Variants in DAB1 observed in about 807,000 individuals in gnomAD.
DAB1 encodes the protein disabled homolog 1.
In DAB1, 15 loss-of-function variants were observed where a neutral mutation model predicts 64.6. That is an observed-to-expected ratio of 0.23 (90% CI 0.16 to 0.36). The LOEUF is 0.36. DAB1 is among the 10% of genes least tolerant of loss of function. The probability of loss-of-function intolerance (pLI) is 1.00; values close to 1 mark genes in which losing one functional copy is unlikely to be tolerated. For missense variants in DAB1, 596 were observed against 706.7 expected (o/e 0.84, Z 1.78); for synonymous variants, 235 against 251.9 (o/e 0.93, Z 0.64).
chr1:57,094,959 C>T (rs1019236271), intron 4 of DAB1, among the ~76,000 whole-genome samples: 3 of 152,248 alleles, frequency 2.0e-5, no homozygotes, highest in East Asian at 1.9e-4. Context: ...ATTACTTGTA[C>T]TCTGCAACCT....
At chr1:57,305,621 G>T (rs933140298) in intron 1 of DAB1, among the ~76,000 whole-genome samples, 1 of 152,156 alleles carries the variant, frequency 6.6e-6, no homozygotes, top group African/African-American at 2.4e-5. Flanking sequence ...CCAAGGAACT[G>T]CATGCTTCTA....
chr1:57,835,823 GA>G (rs1652785326), intron 1 of DAB1, among the ~76,000 whole-genome samples: 1 of 152,178 alleles, frequency 6.6e-6, no homozygotes, highest in Non-Finnish European at 1.5e-5. Flanking sequence ...GTTTCCGAAA[GA>G]CACCTGAATG....
chr1:57,554,936 G>C (rs1325605103), intron 7 of DAB1, among the ~76,000 whole-genome samples: 1 of 151,492 alleles, frequency 6.6e-6, no homozygotes, highest in Non-Finnish European at 1.5e-5. Context: ...TCATTCAGTA[G>C]AGTCACAACA....
intron 3 of DAB1, among the ~76,000 whole-genome samples, chr1:58,462,255 C>T (rs576678684): frequency 0.028 from 4,271 of 151,814 alleles, 85 homozygotes; most frequent in Non-Finnish European, 0.044. Flanking sequence ...GCCTCCCGAG[C>T]AGCTGGGACT....
chr1:57,350,397 CA>C (rs1458266377), intron 1 of DAB1, among the ~76,000 whole-genome samples: 1 of 152,068 alleles, frequency 6.6e-6, no homozygotes, highest in African/African-American at 2.4e-5. Context: ...AAGAATTGAC[CA>C]CCCTAGTAGG....
At chr1:57,168,822 A>T (rs1048766038) in intron 2 of DAB1, among the ~76,000 whole-genome samples, 1 of 152,296 alleles carries the variant, frequency 6.6e-6, no homozygotes, top group Admixed American at 6.5e-5. Context: ...TTGGGAAGCC[A>T]AGGCAAGAGG....
intron 9 of DAB1, among the ~76,000 whole-genome samples, chr1:57,036,851 A>G (rs961414357): frequency 3.9e-5 from 6 of 152,234 alleles, no homozygotes; most frequent in African/African-American, 1.4e-4. Flanking sequence ...ATCTCTTTTC[A>G]AAACAGTGGG....
intron 6 of DAB1, among the ~76,000 whole-genome samples, chr1:57,654,481 G>A (rs1646292589): frequency 6.6e-6 from 1 of 152,136 alleles, no homozygotes; most frequent in South Asian, 2.1e-4. Flanking sequence ...AAGATATGTG[G>A]TGGTATATAG....
At chr1:58,065,572 G>A (rs1355934505) in intron 5 of DAB1, among the ~76,000 whole-genome samples, 1 of 152,198 alleles carries the variant, frequency 6.6e-6, no homozygotes, top group Non-Finnish European at 1.5e-5. Context: ...TGTACTTCAT[G>A]AGTCGATACA....
At chr1:57,198,512 C>A (rs760323804) in intron 2 of DAB1, among the ~76,000 whole-genome samples, 4 of 152,066 alleles carry the variant, frequency 2.6e-5, no homozygotes, top group South Asian at 4.2e-4. Flanking sequence ...AGAACACTGG[C>A]CTTCTCTCAA....
intron 1 of DAB1, among the ~76,000 whole-genome samples, chr1:57,370,397 A>C (rs1327120905): frequency 6.6e-6 from 1 of 152,212 alleles, no homozygotes; most frequent in Non-Finnish European, 1.5e-5. Flanking sequence ...TTTCAACAGC[A>C]CAGTTCTAAT....
intron 5 of DAB1, among the ~76,000 whole-genome samples, chr1:58,101,892 G>T (rs992961666): frequency 2.0e-5 from 3 of 152,132 alleles, no homozygotes; most frequent in Admixed American, 6.5e-5. Context: ...CTGAGAGTTG[G>T]TTCCTCCAGG....
intron 5 of DAB1, among the ~76,000 whole-genome samples, chr1:58,012,452 C>T (rs79558892): frequency 0.012 from 1,839 of 152,136 alleles, 42 homozygotes; most frequent in African/African-American, 0.042. Flanking sequence ...CTAACCTGCA[C>T]AACGTGCACA....
chr1:57,965,938 C>T (rs868042725), intron 5 of DAB1, among the ~76,000 whole-genome samples: 2 of 150,904 alleles, frequency 1.3e-5, no homozygotes, highest in Non-Finnish European at 3.0e-5. Flanking sequence ...CTTTAAATGG[C>T]GGGGGGGGAG....
chr1:57,562,629 C>T (rs919156927), intron 7 of DAB1, among the ~76,000 whole-genome samples: 7 of 152,230 alleles, frequency 4.6e-5, no homozygotes, highest in African/African-American at 1.2e-4. Context: ...AGGATTCATG[C>T]GTCCAGGAAT....
chr1:58,463,498 G>A (rs1645264017), intron 3 of DAB1, among the ~76,000 whole-genome samples: 1 of 152,214 alleles, frequency 6.6e-6, no homozygotes, highest in African/African-American at 2.4e-5. Context: ...GCATGGCAGT[G>A]TGTAAATCTT....
At chr1:57,326,386 A>G (rs557106227) in intron 1 of DAB1, among the ~76,000 whole-genome samples, 2 of 152,316 alleles carry the variant, frequency 1.3e-5, no homozygotes, top group East Asian at 3.9e-4. Flanking sequence ...CATTTGCAGA[A>G]AACTAGTCTA....
chr1:57,664,937 A>G (rs972194224), intron 6 of DAB1, among the ~76,000 whole-genome samples: 1 of 152,112 alleles, frequency 6.6e-6, no homozygotes, highest in African/African-American at 2.4e-5. Flanking sequence ...ACTGAATACT[A>G]AGAATGGGAC....
chr1:58,478,303 CTG>C (rs1645439843), intron 3 of DAB1, among the ~76,000 whole-genome samples: 1 of 152,206 alleles, frequency 6.6e-6, no homozygotes, highest in South Asian at 2.1e-4. Context: ...CCATGTAGAA[CTG>C]TGAGTCAATT....
Sources: gnomAD v4.1 joint callset for allele counts (sites outside exome capture counted in the v4.1 genomes callset) on GRCh38, gnomAD v4.1.1 for gene constraint, MANE v1.5 for transcripts, NCBI Gene and HGNC (gene_info 2026-07-23, HGNC 2026-07-21) for gene names.